C1QTNF7: variants seen among roughly 807,000 people sequenced by gnomAD.
C1QTNF7 encodes complement C1q tumor necrosis factor-related protein 7.
C1QTNF7 carries 15 observed loss-of-function variants against 19.6 expected under a neutral mutation model. The observed-to-expected ratio is 0.76, with a 90% CI of 0.51 to 1.18. The LOEUF (loss-of-function observed/expected upper bound fraction) is 1.18. Ranked by LOEUF, C1QTNF7 falls within the 50% of genes most tolerant of loss-of-function variation. The probability of loss-of-function intolerance (pLI) is 0.00; values close to 1 mark genes in which losing one functional copy is unlikely to be tolerated. For synonymous variants in C1QTNF7, 142 were observed against 137.5 expected (o/e 1.03, Z -0.23); for missense variants, 324 against 359.7 (o/e 0.90, Z 0.80).
chr4:15,406,332 C>A (rs1242539638), intron 1 of C1QTNF7, among the ~76,000 whole-genome samples: 3 of 152,156 alleles, frequency 2.0e-5, no homozygotes, highest in Non-Finnish European at 4.4e-5. Context: ...CAAGCAGAAC[C>A]AGTAATGGGG....
At chr4:15,437,031 C>T (rs893551790) in intron 2 of C1QTNF7, among the ~76,000 whole-genome samples, 4 of 152,162 alleles carry the variant, frequency 2.6e-5, no homozygotes, top group South Asian at 4.1e-4. Context: ...AAAGCTTCAA[C>T]ATCAGATAAG....
rs540984091 is a variant in C1QTNF7 at position 15,357,806 on chromosome 4, C to T, written c.13+17599C>T. ...CCTTGAAGAGGTACTTCACATCCCT[C>T]GTAAGTTGTATTCCTAGGTATTTTC... On this transcript the variant is annotated intron_variant, in intron 1 of 2. Coordinates refer to the C1QTNF7 transcript ENST00000295297. Among the ~76,000 whole-genome samples, 38 of 152,180 alleles carry T rather than the reference C, an allele frequency of 2.5e-4. 1 individual carries two copies. Among genetic ancestry groups the T allele is most frequent in the South Asian group, 1.7e-3 (8 of 4,820 alleles).
At chr4:15,435,607 T>A in intron 1 of C1QTNF7, 129 bp from the exon 2 acceptor site, 1 of 1,323,418 alleles carries the variant, frequency 7.6e-7, no homozygotes, top group Non-Finnish European at 1.0e-6. Flanking sequence ...GTTTTACATG[T>A]CTGGAAAGAC....
intron 1 of C1QTNF7, among the ~76,000 whole-genome samples, chr4:15,359,104 T>C (rs539308241): frequency 4.5e-4 from 68 of 152,248 alleles, no homozygotes; most frequent in African/African-American, 1.5e-3. Context: ...CCACCCTCTA[T>C]TCTCAATGGG....
In C1QTNF7 at chr4:15,396,166, T is replaced by C. The variant is rs569431592; in HGVS notation, c.14-39570T>C. The stretch of plus-strand genomic sequence containing the variant: ...TCCAACTTGACCAGGGCACCAGCAA[T>C]GGATGAGGGCTGCAGCCTGACAGCA... On this transcript the variant is annotated intron_variant, in intron 1 of 2. Coordinates refer to the C1QTNF7 transcript ENST00000295297. 7.9e-5 allele frequency among the ~76,000 whole-genome samples: 12 copies of C among 152,080 alleles called. No individual in the cohort carries two copies. The South Asian group carries it at 2.5e-3, about 32-fold the overall frequency.
chr4:15,346,943 G>T (rs913680995), intron 1 of C1QTNF7, among the ~76,000 whole-genome samples: 1 of 152,076 alleles, frequency 6.6e-6, no homozygotes, highest in Admixed American at 6.5e-5. Context: ...ATGCAACAGG[G>T]GTCTAAGGAA....
At chr4:15,367,818 AT>A (rs61013727) in intron 1 of C1QTNF7, among the ~76,000 whole-genome samples, 71,461 of 149,958 alleles carry the variant, frequency 0.48, 18,049 homozygotes, top group African/African-American at 0.65. Flanking sequence ...ACTTGTTTTT[AT>A]TTTTTTTTTT....
chr4:15,421,436 A>G (rs1379881194), intron 1 of C1QTNF7, among the ~76,000 whole-genome samples: 3 of 152,204 alleles, frequency 2.0e-5, no homozygotes, highest in Admixed American at 2.0e-4. Flanking sequence ...ACCAAAGAAC[A>G]GTAGCCAAAG....
intron 1 of C1QTNF7, among the ~76,000 whole-genome samples, chr4:15,393,100 A>G (rs151076412): frequency 3.0e-3 from 453 of 152,222 alleles, no homozygotes; most frequent in African/African-American, 0.01. Flanking sequence ...TAGTGAATAA[A>G]TCTCATGAGA....
At chr4:15,366,129 A>T (rs1717509203) in intron 1 of C1QTNF7, among the ~76,000 whole-genome samples, 1 of 152,194 alleles carries the variant, frequency 6.6e-6, no homozygotes, top group Non-Finnish European at 1.5e-5. Flanking sequence ...GATGTAAGAG[A>T]CACAATTTAC....
chr4:15,389,962 T>C (rs1327554285), intron 1 of C1QTNF7, among the ~76,000 whole-genome samples: 2 of 152,202 alleles, frequency 1.3e-5, no homozygotes, highest in Admixed American at 6.5e-5. Flanking sequence ...TAGTCTGTGA[T>C]GTGAGAGAGG....
At chr4:15,341,020 C>T (rs988965153) in intron 1 of C1QTNF7, among the ~76,000 whole-genome samples, 1 of 152,212 alleles carries the variant, frequency 6.6e-6, no homozygotes, top group Admixed American at 6.5e-5. Flanking sequence ...CTGAGAATGT[C>T]TCTGTTATCA....
intron 1 of C1QTNF7, among the ~76,000 whole-genome samples, chr4:15,354,536 C>G (rs1717061700): frequency 6.6e-6 from 1 of 152,022 alleles, no homozygotes; most frequent in African/African-American, 2.4e-5. Flanking sequence ...TTGAGCTCAG[C>G]TGCGCTCTGT....
intron 1 of C1QTNF7, among the ~76,000 whole-genome samples, chr4:15,414,776 A>G (rs1719530850): frequency 6.6e-6 from 1 of 152,116 alleles, no homozygotes; most frequent in African/African-American, 2.4e-5. Context: ...CTGATTCTAG[A>G]GTTGTTCTAT....
chr4:15,418,691 A>G (rs764007006), intron 1 of C1QTNF7, among the ~76,000 whole-genome samples: 2 of 149,006 alleles, frequency 1.3e-5, no homozygotes, highest in Non-Finnish European at 3.0e-5. Context: ...TACTAAAAAG[A>G]GGTAGTAAAA....
chr4:15,385,455 G>C (rs1246452778), intron 1 of C1QTNF7, among the ~76,000 whole-genome samples: 1 of 152,218 alleles, frequency 6.6e-6, no homozygotes, highest in Non-Finnish European at 1.5e-5. Flanking sequence ...GAGTGACAAG[G>C]AGGACAGAAG....
Position 15,443,595 on chromosome 4 carries a change from G to T in C1QTNF7, c.*796G>T, listed in dbSNP as rs1712877489. On this transcript the variant is annotated 3_prime_UTR_variant, in exon 3 of 3. Transcript: ENST00000444304. ...TTAAGGGGGTGTGATGGATGCAAAG[G>T]GAATGAGGAATTCAGCACTGCATTC... 1 of 152,222 alleles carries T rather than the reference G, an allele frequency of 6.6e-6. No individual in the cohort carries two copies. The highest frequency in any genetic ancestry group is 2.4e-5 in the African/African-American group (1 of 41,456). The allele number at this position is 152,222 out of a possible 1,614,324, so 9.4% of individuals were successfully genotyped here.
At chr4:15,383,945 C>T (rs916004250) in intron 1 of C1QTNF7, among the ~76,000 whole-genome samples, 1 of 152,182 alleles carries the variant, frequency 6.6e-6, no homozygotes, top group Admixed American at 6.5e-5. Flanking sequence ...GAAATGGAGG[C>T]TATCAGAGAA....
rs564661003 is a variant in C1QTNF7, at chr4:15,412,030, T to C, written c.14-23706T>C. 3.3e-5 allele frequency among the ~76,000 whole-genome samples: 5 copies of C among 152,200 alleles called. No individual in the cohort carries two copies. The South Asian group carries it at 1.0e-3, about 32-fold the overall frequency. ...CACCTGAGCTTCACCACCTGTCAGA[T>C]CAGCAACAACATTATATTCTCACAG... On this transcript the variant is annotated intron_variant, in intron 1 of 2. Coordinates refer to the C1QTNF7 transcript ENST00000295297.
Sources: allele counts gnomAD v4.1 joint callset (sites outside exome capture counted in the v4.1 genomes callset), GRCh38; gene constraint gnomAD v4.1.1; transcripts MANE v1.5; gene names NCBI Gene and HGNC (gene_info 2026-07-23, HGNC 2026-07-21).